CHLSN: variants seen among roughly 807,000 people sequenced by gnomAD.
The protein encoded by CHLSN is cholesin.
chr7:980,911 T>C, the CHLSN span, among the ~76,000 whole-genome samples: 1 of 151,612 alleles, frequency 6.6e-6, no homozygotes, highest in African/African-American at 2.4e-5. Flanking sequence ...ATGGTCTCGA[T>C]CTCCATCTCC....
the CHLSN span, chr7:987,537 GCT>G: frequency 2.1e-4 from 323 of 1,514,836 alleles, no homozygotes; most frequent in Middle Eastern, 2.0e-3. Context: ...CCAAGGTGGG[GCT>G]GGGCCTCCCT....
At chr7:1,109,602 C>G in the CHLSN span, 8 of 152,446 alleles carry the variant, frequency 5.2e-5, no homozygotes, top group East Asian at 1.5e-3. Context: ...GAACACGGAA[C>G]AGGTGGACAT....
the CHLSN span, among the ~76,000 whole-genome samples, chr7:1,086,449 A>C: frequency 6.6e-6 from 1 of 152,226 alleles, no homozygotes; most frequent in African/African-American, 2.4e-5. Context: ...TAGAGTTGTC[A>C]ACTTTCTACT....
At chr7:1,084,865 C>A in the CHLSN span, among the ~76,000 whole-genome samples, 1 of 152,250 alleles carries the variant, frequency 6.6e-6, no homozygotes, top group African/African-American at 2.4e-5. Context: ...GGCTCTGCTC[C>A]TGCAGAATCA....
chr7:1,111,042 C>T, the CHLSN span, among the ~76,000 whole-genome samples: 1 of 152,170 alleles, frequency 6.6e-6, no homozygotes, highest in Non-Finnish European at 1.5e-5. Context: ...CACCAGGGCA[C>T]TCCAGCCTGG....
At chr7:1,078,927 GGTC>G in the CHLSN span, among the ~76,000 whole-genome samples, 1 of 67,800 alleles carries the variant, frequency 1.5e-5, no homozygotes, top group South Asian at 5.5e-4. Context: ...CACCCCAGCG[GGTC>G]AGGGCTCCAT....
chr7:1,135,772 A>AATATATAT, the CHLSN span, among the ~76,000 whole-genome samples: 51 of 97,340 alleles, frequency 5.2e-4, 1 homozygote, highest in African/African-American at 2.0e-3. Context: ...CTCAAAAAGA[A>AATATATAT]ATATATATAT....
At chr7:1,127,472 C>T in the CHLSN span, 2 of 1,209,626 alleles carry the variant, frequency 1.7e-6, no homozygotes, top group Non-Finnish European at 2.2e-6. Flanking sequence ...AGGTAGGGCA[C>T]TCTCCCATTA....
At chr7:1,014,821 T>A in the CHLSN span, among the ~76,000 whole-genome samples, 1 of 134,230 alleles carries the variant, frequency 7.4e-6, no homozygotes, top group Non-Finnish European at 1.6e-5. Flanking sequence ...CACGGCAGCG[T>A]TCCGGTTGGT....
At chr7:994,141 A>G in the CHLSN span, among the ~76,000 whole-genome samples, 1 of 152,160 alleles carries the variant, frequency 6.6e-6, no homozygotes, top group Non-Finnish European at 1.5e-5. Context: ...TGATTATTTA[A>G]AAACATTACT....
the CHLSN span, among the ~76,000 whole-genome samples, chr7:1,110,761 G>T: frequency 1.3e-5 from 2 of 151,954 alleles, no homozygotes; most frequent in South Asian, 4.1e-4. Context: ...CTTAGTTTAA[G>T]AAGTGTGTTT....
At chr7:1,083,185 G>C in the CHLSN span, among the ~76,000 whole-genome samples, 1 of 152,256 alleles carries the variant, frequency 6.6e-6, no homozygotes, top group Non-Finnish European at 1.5e-5. Flanking sequence ...CACTGAGGGG[G>C]CCCTGCTGGG....
At chr7:1,029,892 G>A in the CHLSN span, among the ~76,000 whole-genome samples, 1 of 152,226 alleles carries the variant, frequency 6.6e-6, no homozygotes, top group Non-Finnish European at 1.5e-5. Context: ...AGCGGGGCAG[G>A]CAAGGGTGGA....
the CHLSN span, chr7:986,432 A>C: frequency 1.6e-6 from 1 of 641,358 alleles, no homozygotes; most frequent in South Asian, 2.0e-5. Context: ...CTTCCGGGAC[A>C]CGGACAGGGG....
the CHLSN span, among the ~76,000 whole-genome samples, chr7:1,024,055 T>C: frequency 0.16 from 23,822 of 152,188 alleles, 1,976 homozygotes; most frequent in Middle Eastern, 0.23. Flanking sequence ...CTCACACTCC[T>C]GAGCTAAAGT....
chr7:1,066,610 C>T, the CHLSN span, among the ~76,000 whole-genome samples: 1 of 152,230 alleles, frequency 6.6e-6, no homozygotes, highest in East Asian at 1.9e-4. Context: ...CCTACCTGCC[C>T]TCCTACCTGT....
At chr7:1,108,634 T>C in the CHLSN span, among the ~76,000 whole-genome samples, 1 of 152,214 alleles carries the variant, frequency 6.6e-6, no homozygotes, top group Non-Finnish European at 1.5e-5. Flanking sequence ...AAAAGGATTT[T>C]GTACCTCCCA....
At chr7:1,028,336 C>CGCGCCTCCAGCAGCCTCA in the CHLSN span, 4 of 1,022,214 alleles carry the variant, frequency 3.9e-6, no homozygotes, top group East Asian at 1.1e-4. Flanking sequence ...CCGCCCGGCC[C>CGCGCCTCCAGCAGCCTCA]GCGCCTCCAG....
At chr7:1,028,818 C>T in the CHLSN span, 4 of 575,314 alleles carry the variant, frequency 7.0e-6, no homozygotes, top group Non-Finnish European at 8.5e-6. Flanking sequence ...GACTCCATGG[C>T]CCCCATCTCC....
Sources: gnomAD v4.1 joint callset for allele counts (sites outside exome capture counted in the v4.1 genomes callset) on GRCh38, gnomAD v4.1.1 for gene constraint, MANE v1.5 for transcripts, NCBI Gene and HGNC (gene_info 2026-07-23, HGNC 2026-07-21) for gene names.